Variants in GNG2 observed in about 807,000 individuals in gnomAD.
GNG2 encodes G protein subunit gamma 2.
A neutral mutation model predicts 5.5 loss-of-function variants in GNG2; 5 were observed. The observed-to-expected ratio is 0.91, with a 90% CI of 0.48 to 1.92. The LOEUF (loss-of-function observed/expected upper bound fraction) is 1.92, where lower values mean the gene tolerates loss of function less well. Among genes scored for constraint, GNG2 ranks in the 30% most tolerant of loss-of-function variants. The probability of loss-of-function intolerance (pLI) is 0.01; values close to 1 mark genes in which losing one functional copy is unlikely to be tolerated. For missense variants in GNG2, 55 were observed against 88.4 expected (o/e 0.62, Z 1.52); for synonymous variants, 28 against 32.0 (o/e 0.88, Z 0.42).
chr14:51,950,090 G>T (rs1315445053), intron 2 of GNG2, among the ~76,000 whole-genome samples: 1 of 152,170 alleles, frequency 6.6e-6, no homozygotes, highest in African/African-American at 2.4e-5. Flanking sequence ...AAAGAAATCA[G>T]TTAATAAGTT....
chr14:51,907,982 T>G lies in GNG2; in HGVS notation c.-30+30325T>G, dbSNP rs148610334. ...TCCTGTATTAGTTATCTATAGCTAC[T>G]TAACACATTAACCCAAACTTAATGT... On this transcript the variant is annotated intron_variant, in intron 2 of 3. Transcript: ENST00000556766. Among the ~76,000 whole-genome samples, 57 of 152,388 alleles carry G rather than the reference T, an allele frequency of 3.7e-4. 2 individuals are homozygous for G. The East Asian group carries it at 0.011, about 29-fold the overall frequency.
chr14:51,927,669 G>A (rs1887411016), intron 2 of GNG2, among the ~76,000 whole-genome samples: 1 of 152,152 alleles, frequency 6.6e-6, no homozygotes, highest in Admixed American at 6.5e-5. Flanking sequence ...GCACTGCCTG[G>A]TACATTAAAT....
chr14:51,965,992 T>G (rs1349503269), intron 3 of GNG2, among the ~76,000 whole-genome samples: 2 of 151,748 alleles, frequency 1.3e-5, no homozygotes, highest in Non-Finnish European at 1.5e-5. Context: ...GTGGATCACT[T>G]GAGTCCAGGA....
intron 2 of GNG2, among the ~76,000 whole-genome samples, chr14:51,900,307 A>C (rs1885465498): frequency 6.6e-6 from 1 of 152,168 alleles, no homozygotes; most frequent in South Asian, 2.1e-4. Flanking sequence ...AAGAACATGA[A>C]ATCTCATACA....
At chr14:51,882,266 A>T (rs768558162) in intron 2 of GNG2, among the ~76,000 whole-genome samples, 1 of 152,240 alleles carries the variant, frequency 6.6e-6, no homozygotes, top group Non-Finnish European at 1.5e-5. Context: ...GGTTAATTTT[A>T]TATGTGAATT....
intron 1 of GNG2, among the ~76,000 whole-genome samples, chr14:51,864,423 C>G (rs1882732935): frequency 6.6e-6 from 1 of 152,156 alleles, no homozygotes; most frequent in African/African-American, 2.4e-5. Flanking sequence ...TTGCAAATGG[C>G]AGGATCTTTT....
intron 1 of GNG2, among the ~76,000 whole-genome samples, chr14:51,863,579 C>A (rs537454800): frequency 2.0e-5 from 3 of 152,240 alleles, no homozygotes; most frequent in African/African-American, 7.2e-5. Flanking sequence ...GTATGCAGTT[C>A]TGTGGTAGCG....
chr14:51,942,899 ACAGCTTGTTGT>A (rs1231371525), intron 2 of GNG2, among the ~76,000 whole-genome samples: 3 of 152,088 alleles, frequency 2.0e-5, no homozygotes, highest in African/African-American at 7.2e-5. Context: ...TGGGCTCACA[ACAGCTTGTTGT>A]ACCAAAGAAT....
intron 2 of GNG2, among the ~76,000 whole-genome samples, chr14:51,838,057 C>T (rs1412565359): frequency 6.6e-6 from 1 of 152,076 alleles, no homozygotes; most frequent in Non-Finnish European, 1.5e-5. Flanking sequence ...CCCACTGACA[C>T]TGAAAAGACT....
Position 51,834,600 on chromosome 14 carries a change from G to A in GNG2, c.64+6793G>A, listed in dbSNP as rs553704497. Among the ~76,000 whole-genome samples, 40 of 152,292 alleles carry A rather than the reference G, an allele frequency of 2.6e-4. 1 individual carries two copies. The South Asian group carries it at 8.3e-3, about 32-fold the overall frequency. The stretch of plus-strand genomic sequence containing the variant: ...TGTTGCGTGGATACCAATGCCACTG[G>A]GTCCTGGGTAAGGATAGGCACTTGC... On this transcript the variant is annotated intron_variant, in intron 2 of 3. Transcript: ENST00000553432.
At chr14:51,895,862 T>C (rs1371697884) in intron 2 of GNG2, among the ~76,000 whole-genome samples, 2 of 152,198 alleles carry the variant, frequency 1.3e-5, no homozygotes. Context: ...TCTGATGGTC[T>C]TAAAAATGGG....
Position 51,969,242 on chromosome 14 carries a change from T to C in GNG2, c.*2555T>C, listed in dbSNP as rs1290135984. ...GAAAATCTGCCGTGGAATTAACTAA[T>C]AAGTAGTAACAATAAACTTCATATT... On this transcript the variant is annotated 3_prime_UTR_variant, in exon 4 of 4. Transcript: ENST00000556766. 6.6e-6 allele frequency: 1 copy of C among 152,176 alleles called. No homozygotes were observed. The highest frequency in any genetic ancestry group is 1.5e-5 in the Non-Finnish European group (1 of 68,018). The allele number at this position is 152,176 out of a possible 1,614,324, so 9.4% of individuals were successfully genotyped here. A position where few individuals can be genotyped will look rare whatever the true frequency, so the allele number is the denominator to read the frequency against.
intron 3 of GNG2, among the ~76,000 whole-genome samples, chr14:51,953,306 T>C (rs1342781380): frequency 2.0e-5 from 3 of 152,172 alleles, no homozygotes; most frequent in Non-Finnish European, 2.9e-5. Context: ...GAGATGGAGA[T>C]AGACAAAAAC....
rs187275578 is a variant in GNG2, at chr14:51,910,241, G to C, written c.-30+32584G>C. ...GGATGAATTTGAGGTCATTAAGAGAGTTGCTGGTAGAGTCATGACAGGCAG... is the reference window on the plus strand; with the variant it reads ...GGATGAATTTGAGGTCATTAAGAGACTTGCTGGTAGAGTCATGACAGGCAG... On this transcript the variant is annotated intron_variant, in intron 2 of 3. Coordinates refer to ENST00000556766, the MANE Select transcript of GNG2 (RefSeq NM_053064.5). 1.6e-4 allele frequency among the ~76,000 whole-genome samples: 25 copies of C among 152,316 alleles called. 1 individual carries two copies. In the East Asian group the frequency reaches 4.8e-3, roughly 29 times the overall value.
intron 2 of GNG2, among the ~76,000 whole-genome samples, chr14:51,841,748 T>G (rs1594830362): frequency 6.6e-6 from 1 of 152,258 alleles, no homozygotes; most frequent in South Asian, 2.1e-4. Flanking sequence ...TTCCAGCATA[T>G]AGAGGTAGGT....
intron 2 of GNG2, among the ~76,000 whole-genome samples, chr14:51,846,309 A>G (rs1254179924): frequency 1.3e-5 from 2 of 152,206 alleles, no homozygotes; most frequent in African/African-American, 4.8e-5. Flanking sequence ...TTCTCATCAT[A>G]CATATTACTA....
intron 2 of GNG2, among the ~76,000 whole-genome samples, chr14:51,896,294 T>G (rs1406125202): frequency 1.3e-5 from 2 of 152,236 alleles, no homozygotes; most frequent in East Asian, 3.8e-4. Context: ...ATTATCAAGT[T>G]TTTTTATAAC....
At chr14:51,932,580 T>A (rs558466027) in intron 2 of GNG2, among the ~76,000 whole-genome samples, 36 of 150,690 alleles carry the variant, frequency 2.4e-4, no homozygotes, top group African/African-American at 8.0e-4. Flanking sequence ...GCCATAATTG[T>A]ACCACTGCAC....
intron 2 of GNG2, among the ~76,000 whole-genome samples, chr14:51,893,562 T>C (rs1884996315): frequency 6.6e-6 from 1 of 152,154 alleles, no homozygotes. Flanking sequence ...TATAGTATCC[T>C]TTGTCATACT....
Sources: allele counts gnomAD v4.1 joint callset (sites outside exome capture counted in the v4.1 genomes callset), GRCh38; gene constraint gnomAD v4.1.1; transcripts MANE v1.5; gene names NCBI Gene and HGNC (gene_info 2026-07-23, HGNC 2026-07-21).